The following CADM2 variants were observed in gnomAD, a reference collection of about 807,000 sequenced individuals.
The protein encoded by CADM2 is immunoglobulin superfamily member 4D.
CADM2 carries 12 observed loss-of-function variants against 49.8 expected under a neutral mutation model. The ratio of observed to expected loss-of-function variants is 0.24; its 90% confidence interval spans 0.15 to 0.39. The LOEUF is 0.39. CADM2 is among the 10% of genes least tolerant of loss of function. The pLI, the probability that CADM2 is intolerant of heterozygous loss-of-function variation, is 1.00. For synonymous variants in CADM2, 214 were observed against 175.4 expected, an observed-to-expected ratio of 1.22 and a Z score of -1.74; for missense variants, 378 against 492.3, an observed-to-expected ratio of 0.77 and a Z score of 2.20.
chr3:85,726,963 A>T (rs2067724766), intron 2 of CADM2, among the ~76,000 whole-genome samples: 1 of 152,112 alleles, frequency 6.6e-6, no homozygotes, highest in African/African-American at 2.4e-5. Context: ...ATCTTCTAAA[A>T]ACTGAATATT....
chr3:85,228,039 C>T (rs1576165792), intron 1 of CADM2, among the ~76,000 whole-genome samples: 1 of 152,150 alleles, frequency 6.6e-6, no homozygotes, highest in Non-Finnish European at 1.5e-5. Context: ...TGACCTTTCT[C>T]TCTGGCTGCA....
intron 1 of CADM2, among the ~76,000 whole-genome samples, chr3:85,281,800 A>G (rs1252115144): frequency 6.6e-6 from 1 of 152,096 alleles, no homozygotes; most frequent in Non-Finnish European, 1.5e-5. Context: ...GCTTTCTCTC[A>G]TTATGCAAAA....
rs149187902 is a variant in CADM2 at position 85,460,834 on chromosome 3, T to C, written c.62-265688T>C. 6.8e-4 allele frequency among the ~76,000 whole-genome samples: 104 copies of C among 152,100 alleles called. 2 individuals carry two copies. In the East Asian group the frequency reaches 0.02, roughly 29 times the overall value. On this transcript the variant is annotated intron_variant, in intron 1 of 9. Coordinates refer to ENST00000383699, the MANE Select transcript of CADM2 (RefSeq NM_001167675.2). The stretch of plus-strand genomic sequence containing the variant: ...AAAGTGTCTAATAGATAATTGCTTT[T>C]AATGTATTTGCCCCATGGAAGCTCT...
intron 1 of CADM2, among the ~76,000 whole-genome samples, chr3:85,510,870 A>G (rs1453157927): frequency 2.0e-5 from 3 of 149,774 alleles, no homozygotes; most frequent in Non-Finnish European, 4.5e-5. Context: ...CAAGGCAATC[A>G]AAAAATAGTA....
At position 86,073,246 on chromosome 3, in the gene CADM2, A is replaced by G. The variant is rs552100430; in HGVS notation, c.*6463A>G. On this transcript the variant is annotated 3_prime_UTR_variant, in exon 10 of 10. Transcript: ENST00000383699. ...AGGTGTTCCCAGTAATGTAGCTTCA[A>G]AAATAAAATGTGCTATTTATATGAC... 1 of 152,208 alleles carries G rather than the reference A, an allele frequency of 6.6e-6. No homozygotes were observed. The highest frequency in any genetic ancestry group is 1.9e-4 in the East Asian group (1 of 5,188). The allele number at this position is 152,208 out of a possible 1,614,324, so 9.4% of individuals were successfully genotyped here.
At chr3:86,061,811 T>C (rs912503315) in intron 8 of CADM2, among the ~76,000 whole-genome samples, 1 of 152,128 alleles carries the variant, frequency 6.6e-6, no homozygotes. Flanking sequence ...TCAAAAGTAA[T>C]GAATTAAAAT....
intron 1 of CADM2, among the ~76,000 whole-genome samples, chr3:85,255,231 A>T (rs2042859331): frequency 6.6e-6 from 1 of 152,040 alleles, no homozygotes; most frequent in Non-Finnish European, 1.5e-5. Context: ...TTAGCATGGC[A>T]TTTATAATAC....
At chr3:85,550,380 T>C (rs2061771892) in intron 1 of CADM2, among the ~76,000 whole-genome samples, 1 of 152,156 alleles carries the variant, frequency 6.6e-6, no homozygotes, top group Non-Finnish European at 1.5e-5. Context: ...AGATCCATAG[T>C]TCTCAATGTG....
intron 1 of CADM2, among the ~76,000 whole-genome samples, chr3:85,468,963 G>T (rs1368335626): frequency 6.6e-6 from 1 of 152,152 alleles, no homozygotes; most frequent in Non-Finnish European, 1.5e-5. Context: ...CTCTCAATTT[G>T]TCATTGGTTG....
intron 6 of CADM2, among the ~76,000 whole-genome samples, chr3:85,926,963 A>G (rs1719958583): frequency 6.6e-6 from 1 of 152,170 alleles, no homozygotes; most frequent in Non-Finnish European, 1.5e-5. Flanking sequence ...TTGAAATGTG[A>G]TTAAGATTGG....
chr3:85,625,313 C>T (rs990202497), intron 1 of CADM2, among the ~76,000 whole-genome samples: 1 of 151,888 alleles, frequency 6.6e-6, no homozygotes, highest in Non-Finnish European at 1.5e-5. Context: ...TGTGTTTTGC[C>T]ATTTAAAATA....
At chr3:85,873,656 T>G (rs1711498713) in intron 3 of CADM2, among the ~76,000 whole-genome samples, 1 of 151,962 alleles carries the variant, frequency 6.6e-6, no homozygotes, top group Non-Finnish European at 1.5e-5. Context: ...ACAGAGTGAG[T>G]GAAATTCATC....
chr3:86,001,433 A>G (rs1244414444), intron 8 of CADM2, among the ~76,000 whole-genome samples: 1 of 138,944 alleles, frequency 7.2e-6, no homozygotes, highest in Non-Finnish European at 1.6e-5. Flanking sequence ...GTGCAAATTT[A>G]CAATGTTTAA....
intron 1 of CADM2, among the ~76,000 whole-genome samples, chr3:85,648,581 T>C (rs998147220): frequency 2.0e-5 from 3 of 152,064 alleles, no homozygotes; most frequent in African/African-American, 7.2e-5. Context: ...AATCATTTAT[T>C]ATGTGGGGCA....
At chr3:85,867,255 A>G (rs917910688) in intron 3 of CADM2, among the ~76,000 whole-genome samples, 3 of 152,104 alleles carry the variant, frequency 2.0e-5, no homozygotes, top group African/African-American at 7.2e-5. Flanking sequence ...AAGATAAACA[A>G]CAAGACTGAC....
intron 1 of CADM2, among the ~76,000 whole-genome samples, chr3:85,188,814 G>A (rs1352515341): frequency 6.6e-6 from 1 of 151,840 alleles, no homozygotes; most frequent in Non-Finnish European, 1.5e-5. Flanking sequence ...GGCGGATCAC[G>A]AGGTCAGGAG....
chr3:85,900,929 C>T (rs999539477), intron 5 of CADM2, among the ~76,000 whole-genome samples: 13 of 152,106 alleles, frequency 8.5e-5, no homozygotes, highest in Admixed American at 4.6e-4. Context: ...TTTCCCATTA[C>T]CTTTGGCTAA....
chr3:85,751,470 C>A (rs1366015556), intron 2 of CADM2, among the ~76,000 whole-genome samples: 1 of 151,956 alleles, frequency 6.6e-6, no homozygotes, highest in Non-Finnish European at 1.5e-5. Context: ...AATTTTATTT[C>A]TATGTTCCTA....
chr3:85,156,624 A>G (rs562748197), intron 1 of CADM2, among the ~76,000 whole-genome samples: 1 of 152,264 alleles, frequency 6.6e-6, no homozygotes, highest in East Asian at 1.9e-4. Flanking sequence ...AACTCATTTT[A>G]TGAGGTCAGC....
Sources: gnomAD v4.1 joint callset for allele counts (sites outside exome capture counted in the v4.1 genomes callset) on GRCh38, gnomAD v4.1.1 for gene constraint, MANE v1.5 for transcripts, NCBI Gene and HGNC (gene_info 2026-07-23, HGNC 2026-07-21) for gene names.